SYNE2: variants seen among roughly 807,000 people sequenced by gnomAD.
The protein encoded by SYNE2 is spectrin repeat containing nuclear envelope protein 2.
In SYNE2, 431 loss-of-function variants were observed where a neutral mutation model predicts 856.3. The ratio of observed to expected loss-of-function variants is 0.50; its 90% CI spans 0.47 to 0.55. The LOEUF (loss-of-function observed/expected upper bound fraction) is 0.55. Ranked by LOEUF, SYNE2 falls within the 20% of genes least tolerant of loss-of-function variation. The pLI is 0.00. For missense variants in SYNE2, 8,129 were observed against 8,023.2 expected (o/e 1.01, Z -0.50); for synonymous variants, 2,923 against 2,872.3 (o/e 1.02, Z -0.56).
chr14:64,052,162 T>G lies in SYNE2; in HGVS notation c.8249T>G (p.Leu2750Arg), dbSNP rs750371615. 17 of 1,614,036 alleles carry G rather than the reference T, an allele frequency of 1.1e-5. No homozygotes were observed. In the Admixed American group the frequency reaches 2.2e-4, roughly 21 times the overall value. ...TGGGCCAAGAATTTGTTGGGTGAAC[T>G]TAATCCCTCCATTCCCCTTCTCCCA... is the stretch of plus-strand genomic sequence containing the variant. ...ILWAKNLLGELNPSIPLLPDD... is the reference protein window; with the variant it reads ...ILWAKNLLGERNPSIPLLPDD... Residue 2750 changes from leucine to arginine, a missense_variant, in exon 48 of 116, where the codon CTT becomes CGT. Coordinates refer to ENST00000555002, the MANE Select transcript of SYNE2 (RefSeq NM_182914.3).
At chr14:63,824,906 G>A (rs1354435614) in intron 1 of SYNE2, among the ~76,000 whole-genome samples, 1 of 151,846 alleles carries the variant, frequency 6.6e-6, no homozygotes, top group Non-Finnish European at 1.5e-5. Flanking sequence ...GGCCAAGGTG[G>A]GCGGATCGCG....
chr14:63,778,166 TAGTG>T (rs990412392), intron 1 of SYNE2, among the ~76,000 whole-genome samples: 6 of 152,168 alleles, frequency 3.9e-5, no homozygotes, highest in Non-Finnish European at 8.8e-5. Context: ...GTTCTCCTGA[TAGTG>T]AGTGAGTTCT....
rs1000375127 is a variant in SYNE2, at chr14:64,226,224, TGTAAA to T, written c.*704_*708del. 1.1e-3 allele frequency: 175 copies of T among 152,692 alleles called. No individual in the cohort carries two copies. The highest frequency in any genetic ancestry group is 3.6e-3 in the African/African-American group (148 of 41,514). The allele number at this position is 152,692 out of a possible 1,614,324, so 9.5% of individuals were successfully genotyped here. A position where few individuals can be genotyped will look rare whatever the true frequency, so the allele number is the denominator to read the frequency against. The stretch of plus-strand genomic sequence containing the variant: ...GATTTTAGCTGGAGCTTTTGACTAA[TGTAAA>T]GTAAATGCCAAACTACCGACTTGAT... On this transcript the variant is annotated 3_prime_UTR_variant, in exon 116 of 116. Transcript: ENST00000555002.
chr14:64,141,148 G>A (rs2098136107), intron 80 of SYNE2, among the ~76,000 whole-genome samples, 193 bp from the exon 81 acceptor site: 1 of 152,062 alleles, frequency 6.6e-6, no homozygotes, highest in South Asian at 2.1e-4. Context: ...TTCTTGAGGG[G>A]TATGCATTCC....
In SYNE2 at chr14:64,025,180, G is replaced by C; in HGVS notation, c.6011G>C (p.Gly2004Ala). The change falls in exon 41 of 116, where the codon GGG becomes GCG. Residue 2004 changes from glycine (G) to alanine (A), a missense_variant. Physicochemically the swap from Gly to Ala is moderately conservative, Grantham distance 60. Transcript: ENST00000555002. ...TTGAACAACTCTTTGAAGGAATATG[G>C]GTTTACTGAAGAAGAAGAAATAATA... ...AQLNNSLKEY[G>A]FTEEEEIIME... 6.2e-7 allele frequency: 1 copy of C among 1,614,050 alleles called. No homozygotes were observed. The highest frequency in any genetic ancestry group is 1.1e-5 in the South Asian group (1 of 91,068).
At chr14:64,008,553 A>G (rs911915513) in intron 31 of SYNE2, among the ~76,000 whole-genome samples, 1 of 152,140 alleles carries the variant, frequency 6.6e-6, no homozygotes, top group African/African-American at 2.4e-5. Flanking sequence ...GATATTATTT[A>G]TTAATTTGCC....
intron 14 of SYNE2, among the ~76,000 whole-genome samples, chr14:63,979,446 C>G (rs556555966): frequency 6.6e-6 from 1 of 152,140 alleles, no homozygotes; most frequent in Admixed American, 6.5e-5. Flanking sequence ...TACATTTTCT[C>G]TTTTGTCATG....
At chr14:64,085,274 G>C (rs1194714154) in intron 57 of SYNE2, among the ~76,000 whole-genome samples, 2 of 152,112 alleles carry the variant, frequency 1.3e-5, no homozygotes, top group Non-Finnish European at 1.5e-5. Flanking sequence ...TCACTTTGTT[G>C]CCCAGGCTGG....
intron 103 of SYNE2, among the ~76,000 whole-genome samples, chr14:64,211,310 G>A (rs1338026528): frequency 1.3e-5 from 2 of 152,228 alleles, no homozygotes; most frequent in Non-Finnish European, 2.9e-5. Context: ...CGATCTGGCT[G>A]TGGCTAATCT....
In SYNE2 at chr14:64,113,650, A is replaced by G. The variant is rs17101673; in HGVS notation, c.12840+79A>G. 7.6e-3 allele frequency: 10,954 copies of G among 1,433,282 alleles called. 658 individuals are homozygous for G. In the African/African-American group the frequency reaches 0.13, roughly 18 times the overall value. 88.8% of individuals were successfully genotyped at this position (1,433,282 alleles called of 1,614,324 possible). A position where few individuals can be genotyped will look rare whatever the true frequency, so the allele number is the denominator to read the frequency against. On this transcript the variant is annotated intron_variant, in intron 66 of 115. Coordinates refer to ENST00000555002, the MANE Select transcript of SYNE2 (RefSeq NM_182914.3). ...AGATTGGGTGAATTTCTCTTAAAGC[A>G]ACACTGTTTTTCTTTCTGTTACTCT...
At chr14:64,181,251 G>T (rs988878994) in intron 96 of SYNE2, among the ~76,000 whole-genome samples, 1 of 152,194 alleles carries the variant, frequency 6.6e-6, no homozygotes, top group Non-Finnish European at 1.5e-5. Context: ...TGATGTGTCA[G>T]TCAGTGGCTT....
At chr14:63,994,017 C>T (rs2096691242) in intron 22 of SYNE2, 48 bp downstream of exon 22, 1 of 1,598,952 alleles carries the variant, frequency 6.3e-7, no homozygotes, top group Non-Finnish European at 8.6e-7. Context: ...TATGTCTGAT[C>T]CTGGGCTGTT....
chr14:64,052,508 C>T lies in SYNE2; in HGVS notation c.8595C>T (p.Ala2865=). Residue 2865 remains alanine (A), a synonymous_variant, in exon 48 of 116, where the codon GCC becomes GCT. Transcript: ENST00000555002. ...TAATTCCCAGGGTGGAGACAGCTGC[C>T]ACGGAAGCTGAACTAAAACATCACC... ...TLIIPRVETA[A]TEAELKHHHV... 1 of 1,614,060 alleles carries T rather than the reference C, an allele frequency of 6.2e-7. No individual in the cohort carries two copies. The highest frequency in any genetic ancestry group is 1.1e-5 in the South Asian group (1 of 91,078).
At chr14:64,065,298 A>G in intron 50 of SYNE2, 134 bp from the exon 51 acceptor site, 1 of 787,576 alleles carries the variant, frequency 1.3e-6, no homozygotes. Context: ...TGACTTCTAA[A>G]AGGATAAGAG....
At chr14:64,084,560 G>C (rs1487998521) in intron 57 of SYNE2, 1 of 174,898 alleles carries the variant, frequency 5.7e-6, no homozygotes, top group African/African-American at 2.4e-5. Context: ...GATTCATCCA[G>C]GTTGTTACAC....
chr14:64,024,595 G>T, intron 39 of SYNE2, 136 bp downstream of exon 39: 2 of 890,504 alleles, frequency 2.2e-6, no homozygotes, highest in Admixed American at 2.4e-5. Flanking sequence ...TTCAATCCAG[G>T]TTTGGTGCTA....
chr14:64,103,757 T>G (rs1262307646), intron 64 of SYNE2, among the ~76,000 whole-genome samples: 6 of 152,140 alleles, frequency 3.9e-5, no homozygotes, highest in Non-Finnish European at 5.9e-5. Flanking sequence ...AACAGAGAGA[T>G]AGTTCCAGAA....
chr14:63,903,889 G>T (rs2095372003), intron 1 of SYNE2, among the ~76,000 whole-genome samples: 1 of 150,690 alleles, frequency 6.6e-6, no homozygotes, highest in South Asian at 2.1e-4. Context: ...GAGGGCACAT[G>T]TGCAGGTTTG....
In SYNE2 at chr14:64,186,400, C is replaced by G; in HGVS notation, c.17557-24C>G. ...AGCCGCTTGAGTTGAAGGCTTTTTACCCCCTTCTTGTGATTAAATGCAGGA... is the reference window on the plus strand; with the variant it reads ...AGCCGCTTGAGTTGAAGGCTTTTTAGCCCCTTCTTGTGATTAAATGCAGGA... On this transcript the variant is annotated intron_variant, in intron 96 of 115. Coordinates refer to ENST00000555002, the MANE Select transcript of SYNE2 (RefSeq NM_182914.3). 1.9e-6 allele frequency: 3 copies of G among 1,613,954 alleles called. No individual in the cohort carries two copies. The East Asian group carries it at 6.7e-5, about 36-fold the overall frequency.
Sources: gnomAD v4.1 joint callset for allele counts (sites outside exome capture counted in the v4.1 genomes callset) on GRCh38, gnomAD v4.1.1 for gene constraint, MANE v1.5 for transcripts, NCBI Gene and HGNC (gene_info 2026-07-23, HGNC 2026-07-21) for gene names.